UNC5D: variants seen among roughly 807,000 people sequenced by gnomAD.
UNC5D encodes the protein netrin receptor UNC5D.
Under a neutral mutation model 105.4 loss-of-function variants are expected in UNC5D, and 39 were observed. The ratio of observed to expected loss-of-function variants is 0.37; its 90% CI spans 0.29 to 0.48. UNC5D has a LOEUF of 0.48. Among genes scored for constraint, UNC5D ranks in the 20% least tolerant of loss-of-function variants. UNC5D has a pLI of 0.98. For synonymous variants in UNC5D, 452 were observed against 450.4 expected (o/e 1.00, Z -0.04); for missense variants, 991 against 1,202.4 (o/e 0.82, Z 2.60).
chr8:35,314,021 T>C (rs1040375335), intron 1 of UNC5D, among the ~76,000 whole-genome samples: 8 of 152,182 alleles, frequency 5.3e-5, no homozygotes, highest in Non-Finnish European at 8.8e-5. Flanking sequence ...ATTTTCGAAA[T>C]TGATGGAACA....
At chr8:35,679,671 G>T (rs1825523542) in intron 4 of UNC5D, among the ~76,000 whole-genome samples, 1 of 152,136 alleles carries the variant, frequency 6.6e-6, no homozygotes, top group Non-Finnish European at 1.5e-5. Context: ...TCATCCCTTT[G>T]TAGAAAATCA....
At chr8:35,534,071 C>T (rs113201595) in intron 1 of UNC5D, among the ~76,000 whole-genome samples, 14 of 152,272 alleles carry the variant, frequency 9.2e-5, no homozygotes, top group Middle Eastern at 3.4e-3. Flanking sequence ...TGGCTCCTCC[C>T]GCCACAACTG....
intron 1 of UNC5D, among the ~76,000 whole-genome samples, chr8:35,289,372 G>T (rs1806861605): frequency 6.6e-6 from 1 of 152,154 alleles, no homozygotes; most frequent in Non-Finnish European, 1.5e-5. Flanking sequence ...ATTATTAAAT[G>T]ATCTGAAGGG....
intron 1 of UNC5D, among the ~76,000 whole-genome samples, chr8:35,405,881 T>C (rs1804772693): frequency 6.6e-6 from 1 of 152,202 alleles, no homozygotes; most frequent in Admixed American, 6.5e-5. Flanking sequence ...TGAATATAAA[T>C]ATAATTCACT....
intron 1 of UNC5D, among the ~76,000 whole-genome samples, chr8:35,268,904 A>G (rs1016882543): frequency 6.6e-6 from 1 of 152,164 alleles, no homozygotes; most frequent in African/African-American, 2.4e-5. Flanking sequence ...TGGGGATCCA[A>G]TAAAAATTAT....
chr8:35,545,466 G>C (rs1476385976), intron 1 of UNC5D, among the ~76,000 whole-genome samples: 1 of 152,060 alleles, frequency 6.6e-6, no homozygotes, highest in Non-Finnish European at 1.5e-5. Context: ...AGGAAGGGGT[G>C]TCCTCCTGGA....
At chr8:35,447,707 A>G (rs2128988570) in intron 1 of UNC5D, among the ~76,000 whole-genome samples, 1 of 152,186 alleles carries the variant, frequency 6.6e-6, no homozygotes, top group African/African-American at 2.4e-5. Context: ...GGGTGAGCTG[A>G]CTTGTGGATC....
intron 4 of UNC5D, among the ~76,000 whole-genome samples, chr8:35,607,500 G>A (rs1747188761): frequency 6.6e-6 from 1 of 152,106 alleles, no homozygotes; most frequent in Non-Finnish European, 1.5e-5. Context: ...CTTGTATACT[G>A]ATATGATTGT....
At chr8:35,498,420 A>G (rs1811752308) in intron 1 of UNC5D, among the ~76,000 whole-genome samples, 1 of 152,176 alleles carries the variant, frequency 6.6e-6, no homozygotes, top group Admixed American at 6.5e-5. Context: ...AAAACATGGT[A>G]GCAATTTGAC....
intron 1 of UNC5D, among the ~76,000 whole-genome samples, chr8:35,462,705 A>G (rs1485374683): frequency 1.3e-5 from 2 of 152,226 alleles, no homozygotes; most frequent in South Asian, 2.1e-4. Context: ...AGAAAGTCAT[A>G]TCAAGGAAAA....
At chr8:35,707,124 C>T (rs370097234) in intron 8 of UNC5D, among the ~76,000 whole-genome samples, 1 of 152,176 alleles carries the variant, frequency 6.6e-6, no homozygotes, top group African/African-American at 2.4e-5. Flanking sequence ...GAGTTAATAG[C>T]TATTATGAGC....
intron 1 of UNC5D, among the ~76,000 whole-genome samples, chr8:35,305,871 CTCTT>C (rs1276949536): frequency 6.9e-4 from 92 of 134,058 alleles, no homozygotes; most frequent in Admixed American, 9.4e-4. Flanking sequence ...CCCTCCCTCC[CTCTT>C]TCTTTCTTTC....
intron 4 of UNC5D, 144 bp from the exon 5 acceptor site, chr8:35,683,403 G>C: frequency 1.3e-6 from 1 of 798,310 alleles, no homozygotes; most frequent in Admixed American, 4.1e-5. Context: ...AAAGGGACAG[G>C]ATATGGAATA....
At chr8:35,618,903 G>C (rs1821187028) in intron 4 of UNC5D, among the ~76,000 whole-genome samples, 1 of 152,082 alleles carries the variant, frequency 6.6e-6, no homozygotes, top group African/African-American at 2.4e-5. Context: ...ATTACTCCCT[G>C]CCCCTCCACA....
chr8:35,460,660 G>A (rs1563440380), intron 1 of UNC5D, among the ~76,000 whole-genome samples: 3 of 152,216 alleles, frequency 2.0e-5, no homozygotes, highest in Non-Finnish European at 2.9e-5. Context: ...AGAGCATGAT[G>A]CAGAGTTCTT....
intron 1 of UNC5D, among the ~76,000 whole-genome samples, chr8:35,457,782 G>A (rs567843085): frequency 5.1e-4 from 78 of 152,170 alleles, no homozygotes; most frequent in Non-Finnish European, 9.3e-4. Context: ...GCATCTGCTC[G>A]AGGACACTAG....
intron 1 of UNC5D, among the ~76,000 whole-genome samples, chr8:35,258,077 A>G (rs1424396166): frequency 6.6e-6 from 1 of 152,210 alleles, no homozygotes; most frequent in Non-Finnish European, 1.5e-5. Flanking sequence ...GGCAAGTCCA[A>G]GATATCAATG....
rs182329243 is a variant in UNC5D, at chr8:35,573,034, A to T, written c.466+4793A>T. On this transcript the variant is annotated intron_variant, in intron 3 of 16. Coordinates refer to ENST00000404895, the MANE Select transcript of UNC5D (RefSeq NM_080872.4). Reference sequence around the variant, plus strand: ...TAGCCAGGATGGTCTCGATCTCCTGACCTCGTGATCCGCCTGCATCAGCCT... The same window carrying T: ...TAGCCAGGATGGTCTCGATCTCCTGTCCTCGTGATCCGCCTGCATCAGCCT... Among the ~76,000 whole-genome samples the T allele has an allele frequency of 6.2e-3, 936 of 152,070 alleles. 4 individuals are homozygous for T. Among genetic ancestry groups the T allele is most frequent in the African/African-American group, 0.022 (901 of 41,484 alleles).
Position 35,625,038 on chromosome 8 carries a change from G to A in UNC5D, c.570+29381G>A, listed in dbSNP as rs112126637. On this transcript the variant is annotated intron_variant, in intron 4 of 16. Transcript: ENST00000404895. Reference sequence around the variant, plus strand: ...TGTGTGTATGAATCTGAGCCCAGTGGTCTATGAACTTCAGCGACCTGGTAG... The same window carrying A: ...TGTGTGTATGAATCTGAGCCCAGTGATCTATGAACTTCAGCGACCTGGTAG... Among the ~76,000 whole-genome samples the A allele has an allele frequency of 1.4e-3, 213 of 152,280 alleles. 1 individual carries two copies. The highest frequency in any genetic ancestry group is 4.8e-3 in the African/African-American group (200 of 41,564).
Sources: gnomAD v4.1 joint callset for allele counts (sites outside exome capture counted in the v4.1 genomes callset) on GRCh38, gnomAD v4.1.1 for gene constraint, MANE v1.5 for transcripts, NCBI Gene and HGNC (gene_info 2026-07-23, HGNC 2026-07-21) for gene names.